Variants in PIP4K2A observed in about 807,000 individuals in gnomAD.
PIP4K2A encodes phosphatidylinositol 5-phosphate 4-kinase type-2 alpha.
In PIP4K2A, 14 loss-of-function variants were observed where a neutral mutation model predicts 42.9. The ratio of observed to expected loss-of-function variants is 0.33; its 90% CI spans 0.22 to 0.51. The LOEUF is 0.51. PIP4K2A is among the 20% of genes least tolerant of loss of function. The probability of loss-of-function intolerance (pLI) is 0.97; values close to 1 mark genes in which losing one functional copy is unlikely to be tolerated. For synonymous variants in PIP4K2A, 192 were observed against 192.2 expected (o/e 1.00, Z 0.01); for missense variants, 434 against 519.8 (o/e 0.83, Z 1.61).
At chr10:22,677,887 C>CTTT (rs1365805510) in intron 1 of PIP4K2A, among the ~76,000 whole-genome samples, 5 of 152,118 alleles carry the variant, frequency 3.3e-5, no homozygotes, top group African/African-American at 1.2e-4. Flanking sequence ...CGGAGATTTG[C>CTTT]TAAAGGGAGG....
At chr10:22,686,848 C>G (rs927072998) in intron 1 of PIP4K2A, among the ~76,000 whole-genome samples, 3 of 152,090 alleles carry the variant, frequency 2.0e-5, no homozygotes, top group African/African-American at 2.4e-5. Flanking sequence ...AAATTTCTCA[C>G]GCTGACGCAG....
chr10:22,586,178 C>G (rs1837391091), intron 4 of PIP4K2A, among the ~76,000 whole-genome samples: 1 of 152,124 alleles, frequency 6.6e-6, no homozygotes, highest in Non-Finnish European at 1.5e-5. Flanking sequence ...AAGAGAAAAT[C>G]AAATGAAGTA....
At chr10:22,681,008 A>T (rs1839648959) in intron 1 of PIP4K2A, among the ~76,000 whole-genome samples, 1 of 152,144 alleles carries the variant, frequency 6.6e-6, no homozygotes, top group African/African-American at 2.4e-5. Context: ...AGATGCAACT[A>T]ACCTGAATAA....
intron 1 of PIP4K2A, among the ~76,000 whole-genome samples, chr10:22,628,616 T>C (rs1404242130): frequency 1.3e-5 from 2 of 152,122 alleles, no homozygotes; most frequent in African/African-American, 4.8e-5. Flanking sequence ...ACATGAGATA[T>C]CAGATACACG....
intron 7 of PIP4K2A, among the ~76,000 whole-genome samples, chr10:22,550,263 T>A (rs1018002464): frequency 1.3e-5 from 2 of 152,198 alleles, no homozygotes; most frequent in South Asian, 2.1e-4. Context: ...GCCAAGACTG[T>A]AATAGTGACT....
chr10:22,630,593 G>C (rs1316279519), intron 1 of PIP4K2A, among the ~76,000 whole-genome samples: 1 of 152,134 alleles, frequency 6.6e-6, no homozygotes, highest in African/African-American at 2.4e-5. Context: ...GCAGGTTCTA[G>C]AACTGCTGTA....
chr10:22,625,046 A>G (rs898732473), intron 1 of PIP4K2A, among the ~76,000 whole-genome samples: 3 of 152,234 alleles, frequency 2.0e-5, no homozygotes, highest in African/African-American at 7.2e-5. Flanking sequence ...ATCATCTGAA[A>G]GTCAACTAAA....
At chr10:22,545,100 T>C (rs1018920654) in intron 7 of PIP4K2A, among the ~76,000 whole-genome samples, 2 of 152,202 alleles carry the variant, frequency 1.3e-5, no homozygotes, top group Admixed American at 1.3e-4. Flanking sequence ...CGGGAAAGTA[T>C]TCGGCACTTG....
chr10:22,594,188 G>C (rs1163206959), intron 3 of PIP4K2A, among the ~76,000 whole-genome samples: 1 of 152,138 alleles, frequency 6.6e-6, no homozygotes, highest in Non-Finnish European at 1.5e-5. Flanking sequence ...TGTTTTACTG[G>C]CATGCAGCAC....
At chr10:22,699,590 A>G (rs778467063) in intron 1 of PIP4K2A, among the ~76,000 whole-genome samples, 14 of 152,114 alleles carry the variant, frequency 9.2e-5, no homozygotes, top group Non-Finnish European at 2.1e-4. Flanking sequence ...CTGCTTGTTT[A>G]GAGCAGTATC....
At chr10:22,714,128 CGAGGAGGAAGAGGAG>C (rs1271661921) in intron 1 of PIP4K2A, 40 bp downstream of exon 1, 2 of 1,522,726 alleles carry the variant, frequency 1.3e-6, no homozygotes, top group Non-Finnish European at 1.8e-6. Flanking sequence ...AGGAGGGGAA[CGAGGAGGAAGAGGAG>C]GAGGAGGAAG....
chr10:22,580,152 C>G (rs868767993), intron 4 of PIP4K2A, among the ~76,000 whole-genome samples: 12 of 151,826 alleles, frequency 7.9e-5, no homozygotes, highest in Admixed American at 7.2e-4. Flanking sequence ...ATGACGGGGA[C>G]TCCCAATTTC....
chr10:22,714,188 G>C lies in PIP4K2A; in HGVS notation c.139C>G (p.His47Asp). The change falls in exon 1 of 10, where the codon CAC (histidine) becomes GAC (aspartate). Residue 47 changes from histidine (H) to aspartate (D), a missense_variant. Around this residue, in one of 2 missense-constraint regions of PIP4K2A, gnomAD observed 395 missense variants for 444.5 expected, o/e 0.89. Coordinates refer to ENST00000376573, the MANE Select transcript of PIP4K2A (RefSeq NM_005028.5). ...LLSVLMWGVN[H>D]SINELSHVQI... ...CGCCGCAGCTGAGCCCTTACCGAGT[G>C]GTTTACCCCCCACATGAGGACGCTG... The C allele has an allele frequency of 6.2e-7, 1 of 1,607,742 alleles. No homozygotes were observed. The highest frequency in any genetic ancestry group is 1.1e-5 in the South Asian group (1 of 90,702).
chr10:22,546,290 T>G (rs1021018650), intron 7 of PIP4K2A, among the ~76,000 whole-genome samples: 1 of 152,236 alleles, frequency 6.6e-6, no homozygotes, highest in Non-Finnish European at 1.5e-5. Flanking sequence ...TGGCAATGTT[T>G]TGATTATGGT....
At chr10:22,700,240 A>C (rs1303773008) in intron 1 of PIP4K2A, among the ~76,000 whole-genome samples, 1 of 152,178 alleles carries the variant, frequency 6.6e-6, no homozygotes, top group Non-Finnish European at 1.5e-5. Context: ...CTGCTTATGG[A>C]CCAATTCATA....
chr10:22,625,221 T>G (rs1401836460), intron 1 of PIP4K2A, among the ~76,000 whole-genome samples: 4 of 152,220 alleles, frequency 2.6e-5, no homozygotes, highest in African/African-American at 9.6e-5. Context: ...CAAAATATGC[T>G]AAACTTAAGA....
chr10:22,550,819 T>A (rs1373039126), intron 6 of PIP4K2A, 47 bp from the exon 7 acceptor site: 3 of 1,190,530 alleles, frequency 2.5e-6, no homozygotes, highest in East Asian at 4.7e-5. Flanking sequence ...GAAGAAAACC[T>A]AAAAAAACCA....
rs143842485 is a variant in PIP4K2A at position 22,632,295 on chromosome 10, C to T, written c.145-22578G>A. On this transcript the variant is annotated intron_variant, in intron 1 of 9. Coordinates refer to ENST00000376573, the MANE Select transcript of PIP4K2A (RefSeq NM_005028.5). The stretch of plus-strand genomic sequence containing the variant: ...TAGTTTCCTCATATTCATAACTGTA[C>T]TATTTGTTATATAAGATGTTAGCAT... Among the ~76,000 whole-genome samples the T allele has an allele frequency of 1.5e-3, 235 of 152,150 alleles. 2 individuals are homozygous for T. The highest frequency in any genetic ancestry group is 5.5e-3 in the African/African-American group (229 of 41,498).
chr10:22,619,108 C>G (rs1401047520), intron 1 of PIP4K2A, among the ~76,000 whole-genome samples: 1 of 151,818 alleles, frequency 6.6e-6, no homozygotes, highest in East Asian at 1.9e-4. Flanking sequence ...AGCACCAGCT[C>G]TCATTTGGAA....
Sources: gnomAD v4.1 joint callset for allele counts (sites outside exome capture counted in the v4.1 genomes callset) on GRCh38, gnomAD v4.1.1 for gene constraint, gnomAD v4.1.1 regional missense constraint, MANE v1.5 for transcripts, NCBI Gene and HGNC (gene_info 2026-07-23, HGNC 2026-07-21) for gene names.